TPGS1: variants seen among roughly 807,000 people sequenced by gnomAD.
TPGS1 encodes the protein gene trap ROSA b-geo 22.
A neutral mutation model predicts 11.9 loss-of-function variants in TPGS1; 18 were observed. That is an observed-to-expected ratio of 1.51 (90% CI 1.04 to 2.24). The LOEUF (loss-of-function observed/expected upper bound fraction) is 2.24, where lower values mean the gene tolerates loss of function less well. Among genes scored for constraint, TPGS1 ranks in the 30% most tolerant of loss-of-function variants. The pLI is 0.00. For synonymous variants in TPGS1, 247 were observed against 218.2 expected (o/e 1.13, Z -1.16); for missense variants, 500 against 443.0 (o/e 1.13, Z -1.16).
intron 1 of TPGS1, among the ~76,000 whole-genome samples, 184 bp from the exon 2 acceptor site, chr19:518,705 G>A (rs1446407703): frequency 7.0e-6 from 1 of 143,288 alleles, no homozygotes; most frequent in Non-Finnish European, 1.5e-5. Context: ...GGGGGCTCAA[G>A]AGAGGAGCTT....
chr19:515,400 C>CAA (rs71333289), intron 1 of TPGS1, among the ~76,000 whole-genome samples: 55 of 95,070 alleles, frequency 5.8e-4, no homozygotes, highest in Middle Eastern at 7.2e-3. Context: ...GACCCTGTCT[C>CAA]AAAAAAAAAA....
At chr19:516,329 A>C (rs575816530) in intron 1 of TPGS1, among the ~76,000 whole-genome samples, 1 of 152,262 alleles carries the variant, frequency 6.6e-6, no homozygotes, top group East Asian at 1.9e-4. Context: ...GGCGGGAAGC[A>C]AGTTACAGAG....
chr19:518,842 G>C (rs1264020173), intron 1 of TPGS1, 47 bp from the exon 2 acceptor site: 1 of 1,462,186 alleles, frequency 6.8e-7, no homozygotes, highest in Admixed American at 2.4e-5. Flanking sequence ...GCTGGGGCTG[G>C]GTGGGCGCGC....
At chr19:518,159 G>A (rs1465041025) in intron 1 of TPGS1, among the ~76,000 whole-genome samples, 1 of 96,884 alleles carries the variant, frequency 1.0e-5, no homozygotes, top group East Asian at 3.5e-4. Flanking sequence ...GAGGAGGGAG[G>A]CCCAGGCTGG....
intron 1 of TPGS1, among the ~76,000 whole-genome samples, chr19:513,277 G>C (rs1978854287): frequency 6.6e-6 from 1 of 152,228 alleles, no homozygotes; most frequent in Admixed American, 6.5e-5. Context: ...TGACCTCATG[G>C]ATGGTAAAAG....
At chr19:517,017 G>GGTTA (rs1282259154) in intron 1 of TPGS1, among the ~76,000 whole-genome samples, 1 of 146,294 alleles carries the variant, frequency 6.8e-6, no homozygotes. Context: ...GCCTGCCGTT[G>GGTTA]ATTCAAGACA....
At position 518,961 on chromosome 19, in the gene TPGS1, G is replaced by GCTGGACGGGCGCAC. The variant is rs1979058745; in HGVS notation, c.414_427dup (p.Tyr143TrpfsTer41). On this transcript the variant is annotated frameshift_variant, in exon 2 of 2. Transcript: ENST00000359315. LOFTEE classifies it high-confidence loss of function. ...CCGGCGGGCGCAGGAAGAGGCCGGG[G>GCTGGACGGGCGCAC]CTGGACGGGCGCACCTACAGCGAGC... 1 of 1,587,446 alleles carries GCTGGACGGGCGCAC rather than the reference G, an allele frequency of 6.3e-7. No homozygotes were observed. Among genetic ancestry groups the GCTGGACGGGCGCAC allele is most frequent in the East Asian group, 2.3e-5 (1 of 44,122 alleles).
At chr19:514,555 G>A in intron 1 of TPGS1, among the ~76,000 whole-genome samples, 1 of 152,218 alleles carries the variant, frequency 6.6e-6, no homozygotes, top group East Asian at 1.9e-4. Flanking sequence ...CTGCATGCTG[G>A]CTTAGCACTT....
chr19:507,782 G>C lies in TPGS1; in HGVS notation c.276G>C (p.Leu92=). 1 of 1,388,934 alleles carries C rather than the reference G, an allele frequency of 7.2e-7. No homozygotes were observed. The highest frequency in any genetic ancestry group is 9.3e-7 in the Non-Finnish European group (1 of 1,074,366). The allele number at this position is 1,388,934 out of a possible 1,614,324, so 86.0% of individuals were successfully genotyped here. Residue 92 remains leucine (L), a synonymous_variant, in exon 1 of 2, where the codon CTG becomes CTC. Transcript: ENST00000359315. ...GGAGEPPGQL[L]LQQQRLGRAL... ...CCGGGGAGCCCCCGGGCCAGCTCCT[G>C]CTGCAGCAGCAGCGCCTGGGCCGCG...
At position 507,711 on chromosome 19, in the gene TPGS1, C is replaced by A; in HGVS notation, c.205C>A (p.His69Asn). The A allele has an allele frequency of 7.2e-7, 1 of 1,398,484 alleles. No homozygotes were observed. Among genetic ancestry groups the A allele is most frequent in the East Asian group, 3.0e-5 (1 of 33,648 alleles). The allele number at this position is 1,398,484 out of a possible 1,614,324, so 86.6% of individuals were successfully genotyped here. A position where few individuals can be genotyped will look rare whatever the true frequency, so the allele number is the denominator to read the frequency against. The part of the protein sequence containing the change: ...RPEEPIAFLA[H>N]YFENMGLRSP... ...CGAGGAGCCGATCGCCTTCCTGGCT[C>A]ACTACTTCGAGAACATGGGCCTGCG... Residue 69 changes from histidine (H) to asparagine (N), a missense_variant, in exon 1 of 2, where the codon CAC becomes AAC. By Grantham distance (68) the His-to-Asn change is moderately conservative (BLOSUM62 1). Coordinates refer to ENST00000359315, the MANE Select transcript of TPGS1 (RefSeq NM_033513.3).
chr19:518,819 G>A, intron 1 of TPGS1, 70 bp from the exon 2 acceptor site: 1 of 1,424,262 alleles, frequency 7.0e-7, no homozygotes, highest in Non-Finnish European at 9.1e-7. Flanking sequence ...CATAGGCCTG[G>A]CGAGGAGGGG....
chr19:519,187 G>A lies in TPGS1; in HGVS notation c.637G>A (p.Ala213Thr), dbSNP rs939205458. ...QLLEDSAAAV[A>T]DRRVGQAVLD... Reference sequence around the variant, plus strand: ...GCTGGAGGACTCGGCCGCCGCCGTGGCCGACCGCCGCGTGGGCCAGGCCGT... The same window carrying A: ...GCTGGAGGACTCGGCCGCCGCCGTGACCGACCGCCGCGTGGGCCAGGCCGT... The change falls in exon 2 of 2, where the codon GCC (alanine) becomes ACC (threonine). Residue 213 changes from alanine (A) to threonine (T), a missense_variant. Coordinates refer to ENST00000359315, the MANE Select transcript of TPGS1 (RefSeq NM_033513.3). The A allele has an allele frequency of 2.7e-6, 4 of 1,486,070 alleles. No homozygotes were observed. The highest frequency in any genetic ancestry group is 2.2e-5 in the Admixed American group (1 of 44,626). 92.1% of individuals were successfully genotyped at this position (1,486,070 alleles called of 1,614,324 possible).
At chr19:517,393 G>C (rs1012571450) in intron 1 of TPGS1, among the ~76,000 whole-genome samples, 1 of 31,230 alleles carries the variant, frequency 3.2e-5, no homozygotes, top group Non-Finnish European at 6.3e-5. Flanking sequence ...AGGCTGGGAG[G>C]GGGGAGGCCA....
At chr19:514,808 A>G (rs189591133) in intron 1 of TPGS1, among the ~76,000 whole-genome samples, 251 of 151,582 alleles carry the variant, frequency 1.7e-3, no homozygotes, top group Admixed American at 0.016. Flanking sequence ...CCGGGAACTG[A>G]TGGGGGGAGT....
At chr19:513,626 T>C in intron 1 of TPGS1, among the ~76,000 whole-genome samples, 1 of 149,762 alleles carries the variant, frequency 6.7e-6, no homozygotes, top group Non-Finnish European at 1.5e-5. Context: ...GAACACCTAC[T>C]GCACACCAGC....
chr19:515,958 G>C (rs1412784621), intron 1 of TPGS1, among the ~76,000 whole-genome samples: 1 of 151,716 alleles, frequency 6.6e-6, no homozygotes, highest in East Asian at 1.9e-4. Flanking sequence ...CGTGAACCCG[G>C]GAGGCGGAGC....
At position 519,360 on chromosome 19, in the gene TPGS1, C is replaced by G; in HGVS notation, c.810C>G (p.Thr270=). Residue 270 remains threonine, a synonymous_variant, in exon 2 of 2, where the codon ACC becomes ACG. Coordinates refer to ENST00000359315, the MANE Select transcript of TPGS1 (RefSeq NM_033513.3). ...GGCGGCGGCCCAGCGCGCCCATGAC[C>G]CGCGAGGAGTTTCTGGAGAGGGCCG... is the stretch of plus-strand genomic sequence containing the variant. ...VGGRRPSAPM[T]REEFLERAAA... is the part of the protein sequence containing the mutation. 1.6e-6 allele frequency: 2 copies of G among 1,214,070 alleles called. No individual in the cohort carries two copies. Among genetic ancestry groups the G allele is most frequent in the Non-Finnish European group, 2.0e-6 (2 of 975,814 alleles). 75.2% of individuals were successfully genotyped at this position (1,214,070 alleles called of 1,614,324 possible). A position where few individuals can be genotyped will look rare whatever the true frequency, so the allele number is the denominator to read the frequency against.
chr19:507,582 T>G lies in TPGS1; in HGVS notation c.76T>G (p.Ser26Ala). ...GFTDSGRQSV[S>A]RAAGAAESEE... The stretch of plus-strand genomic sequence containing the variant: ...CACGGACAGCGGCCGCCAGTCGGTA[T>G]CCCGGGCGGCGGGGGCGGCCGAGAG... The change falls in exon 1 of 2, where the codon TCC becomes GCC. Residue 26 changes from serine (S) to alanine (A), a missense_variant. Physicochemically the swap from Ser to Ala is moderately conservative, Grantham distance 99. Transcript: ENST00000359315. 1 of 1,397,142 alleles carries G rather than the reference T, an allele frequency of 7.2e-7. No homozygotes were observed. Among genetic ancestry groups the G allele is most frequent in the Non-Finnish European group, 9.3e-7 (1 of 1,069,984 alleles). The allele number at this position is 1,397,142 out of a possible 1,614,324, so 86.5% of individuals were successfully genotyped here.
chr19:507,986 G>C (rs1978676752), intron 1 of TPGS1, 142 bp downstream of exon 1: 1 of 612,952 alleles, frequency 1.6e-6, no homozygotes, highest in African/African-American at 1.9e-5. Flanking sequence ...TTCTTGGGTG[G>C]GATGGATCGG....
Sources: gnomAD v4.1 joint callset for allele counts (sites outside exome capture counted in the v4.1 genomes callset) on GRCh38, gnomAD v4.1.1 for gene constraint, MANE v1.5 for transcripts, NCBI Gene and HGNC (gene_info 2026-07-23, HGNC 2026-07-21) for gene names.